Variants in CACNB2 observed in about 807,000 individuals in gnomAD.
CACNB2 encodes the protein voltage-dependent L-type calcium channel subunit beta-2.
Under a neutral mutation model 73.3 loss-of-function variants are expected in CACNB2, and 42 were observed. The ratio of observed to expected loss-of-function variants is 0.57; its 90% CI spans 0.45 to 0.74. The LOEUF (loss-of-function observed/expected upper bound fraction) is 0.74. CACNB2 is among the 30% of genes least tolerant of loss of function. The pLI is 0.00. For missense variants in CACNB2, 940 were observed against 853.0 expected, an observed-to-expected ratio of 1.10 and a Z score of -1.27; for synonymous variants, 348 against 310.3, an observed-to-expected ratio of 1.12 and a Z score of -1.28.
At chr10:18,416,479 C>T (rs185080593) in intron 3 of CACNB2, among the ~76,000 whole-genome samples, 10 of 152,162 alleles carry the variant, frequency 6.6e-5, no homozygotes, top group South Asian at 4.1e-4. Flanking sequence ...TGCATTGGCA[C>T]GATCTCAGCT....
At chr10:18,382,005 C>A (rs117282185) in intron 2 of CACNB2, among the ~76,000 whole-genome samples, 1 of 151,976 alleles carries the variant, frequency 6.6e-6, no homozygotes, top group East Asian at 1.9e-4. Context: ...AAGGATTGAA[C>A]TTACATTAGA....
intron 2 of CACNB2, among the ~76,000 whole-genome samples, chr10:18,266,139 A>G (rs1233226042): frequency 6.6e-6 from 1 of 152,236 alleles, no homozygotes; most frequent in Admixed American, 6.5e-5. Context: ...TTCAAAGTTT[A>G]CAAAATGCTT....
At chr10:18,223,991 A>ATT (rs11310932) in intron 2 of CACNB2, among the ~76,000 whole-genome samples, 7 of 147,026 alleles carry the variant, frequency 4.8e-5, no homozygotes, top group African/African-American at 1.7e-4. Context: ...TAAGGGGTCT[A>ATT]TTTTTTTTTT....
chr10:18,482,345 C>G (rs1402779505), intron 3 of CACNB2, among the ~76,000 whole-genome samples: 2 of 152,202 alleles, frequency 1.3e-5, no homozygotes, highest in Admixed American at 1.3e-4. Context: ...TGAATCACAT[C>G]TGTATACTGC....
In CACNB2 at chr10:18,448,407, G is replaced by A. The variant is rs568667967; in HGVS notation, c.333+46364G>A. Among the ~76,000 whole-genome samples the A allele has an allele frequency of 5.4e-3, 812 of 149,790 alleles. 5 individuals carry two copies. The highest frequency in any genetic ancestry group is 7.6e-3 in the Non-Finnish European group (515 of 67,634). ...GGAGAATCACCTGAACCTGGGAGGCGGAGGTTGCGGTGAGCTGAGATTGTG... is the reference window on the plus strand; with the variant it reads ...GGAGAATCACCTGAACCTGGGAGGCAGAGGTTGCGGTGAGCTGAGATTGTG... On this transcript the variant is annotated intron_variant, in intron 3 of 13. Coordinates refer to ENST00000324631, the MANE Select transcript of CACNB2 (RefSeq NM_201596.3).
At position 18,252,085 on chromosome 10, in the gene CACNB2, T is replaced by C. The variant is rs1012857721; in HGVS notation, c.213+101110T>C. ...TGTTTTTTGTCATTGTTTTTATTAC[T>C]ATTCTTGGGTCAAGCCAAATCTATA... On this transcript the variant is annotated intron_variant, in intron 2 of 13. Coordinates refer to ENST00000324631, the MANE Select transcript of CACNB2 (RefSeq NM_201596.3). Among the ~76,000 whole-genome samples, 9 of 152,246 alleles carry C rather than the reference T, an allele frequency of 5.9e-5. No individual in the cohort carries two copies. In the East Asian group the frequency reaches 1.5e-3, roughly 26 times the overall value.
At chr10:18,274,980 C>T (rs972613731) in intron 2 of CACNB2, among the ~76,000 whole-genome samples, 1 of 152,138 alleles carries the variant, frequency 6.6e-6, no homozygotes, top group Admixed American at 6.6e-5. Flanking sequence ...AAAGGATACT[C>T]TTTTAAAAGA....
At chr10:18,380,869 G>A (rs917546028) in intron 2 of CACNB2, among the ~76,000 whole-genome samples, 2 of 151,992 alleles carry the variant, frequency 1.3e-5, no homozygotes, top group African/African-American at 2.4e-5. Context: ...TCCCAACTGG[G>A]GGATCCTACT....
At chr10:18,199,971 GTGTGTGTGTGTGTC>G (rs1433365026) in intron 2 of CACNB2, among the ~76,000 whole-genome samples, 2,832 of 150,846 alleles carry the variant, frequency 0.019, 90 homozygotes, top group African/African-American at 0.067. Flanking sequence ...GTGTGTGTGT[GTGTGTGTGTGTGTC>G]TGTATTGTTG....
chr10:18,255,989 A>G (rs1443398501), intron 2 of CACNB2, among the ~76,000 whole-genome samples: 1 of 152,250 alleles, frequency 6.6e-6, no homozygotes, highest in African/African-American at 2.4e-5. Flanking sequence ...ATAGTAACAT[A>G]GAAAGTGAAT....
chr10:18,425,197 C>T (rs1414791575), intron 3 of CACNB2, among the ~76,000 whole-genome samples: 1 of 152,114 alleles, frequency 6.6e-6, no homozygotes, highest in Admixed American at 6.5e-5. Context: ...TTTCTATAAA[C>T]GTACAAGAGG....
chr10:18,380,447 T>TTTTTC, intron 2 of CACNB2, among the ~76,000 whole-genome samples: 1 of 128,920 alleles, frequency 7.8e-6, no homozygotes, highest in African/African-American at 2.8e-5. Flanking sequence ...GAAACATGTG[T>TTTTTC]TTTTCTTTTT....
At chr10:18,409,156 G>A (rs559764442) in intron 3 of CACNB2, among the ~76,000 whole-genome samples, 15 of 152,296 alleles carry the variant, frequency 9.8e-5, no homozygotes, top group African/African-American at 2.9e-4. Flanking sequence ...AAAAATAGCT[G>A]GGTGTGGTGT....
At chr10:18,424,404 A>G (rs1352740576) in intron 3 of CACNB2, among the ~76,000 whole-genome samples, 2 of 152,168 alleles carry the variant, frequency 1.3e-5, no homozygotes, top group African/African-American at 4.8e-5. Flanking sequence ...AGAAGTAGTA[A>G]TCATTGGGTC....
chr10:18,367,055 G>C (rs1307073401), intron 2 of CACNB2, among the ~76,000 whole-genome samples: 1 of 152,146 alleles, frequency 6.6e-6, no homozygotes, highest in East Asian at 1.9e-4. Context: ...TACGAAACAT[G>C]TACTACGATG....
At position 18,500,916 on chromosome 10, in the gene CACNB2, A is replaced by G; in HGVS notation, c.561A>G (p.Glu187=). ...VKLENMRLQH[E]QRAKQGKFYS... is the part of the protein sequence containing the mutation. ...TAGAAAACATGAGGCTGCAGCATGA[A>G]CAGAGAGCCAAGCAAGGGAAATTCT... The change falls in exon 5 of 14, where the codon GAA becomes GAG. Residue 187 remains glutamate (E), a synonymous_variant. Coordinates refer to ENST00000324631, the MANE Select transcript of CACNB2 (RefSeq NM_201596.3). The G allele has an allele frequency of 6.2e-7, 1 of 1,614,146 alleles. No individual in the cohort carries two copies. Among genetic ancestry groups the G allele is most frequent in the Non-Finnish European group, 8.5e-7 (1 of 1,180,012 alleles).
intron 3 of CACNB2, 78 bp from the exon 4 acceptor site, chr10:18,498,277 G>A (rs190312031): frequency 6.5e-7 from 1 of 1,540,196 alleles, no homozygotes; most frequent in East Asian, 2.3e-5. Flanking sequence ...TATTCAGTAT[G>A]TCTTTGTGTT....
At chr10:18,407,480 T>A (rs934707412) in intron 3 of CACNB2, among the ~76,000 whole-genome samples, 1 of 152,130 alleles carries the variant, frequency 6.6e-6, no homozygotes, top group Non-Finnish European at 1.5e-5. Flanking sequence ...TTTTGGGAAC[T>A]GATCTTCCTT....
chr10:18,429,016 A>T (rs58561149), intron 3 of CACNB2, among the ~76,000 whole-genome samples: 135,819 of 152,300 alleles, frequency 0.89, 60,911 homozygotes, highest in African/African-American at 0.97. Flanking sequence ...TGCCTTTTCT[A>T]ACCATTTCTT....
Sources: gnomAD v4.1 joint callset for allele counts (sites outside exome capture counted in the v4.1 genomes callset) on GRCh38, gnomAD v4.1.1 for gene constraint, MANE v1.5 for transcripts, NCBI Gene and HGNC (gene_info 2026-07-23, HGNC 2026-07-21) for gene names.